The following COL6A6 variants were observed in gnomAD, a reference collection of about 807,000 sequenced individuals.
The protein encoded by COL6A6 is collagen type VI alpha 6 chain, also known as collagen alpha-6(VI) chain.
A neutral mutation model predicts 208.6 loss-of-function variants in COL6A6; 183 were observed. The observed-to-expected ratio is 0.88, with a 90% CI of 0.78 to 0.99. The LOEUF (loss-of-function observed/expected upper bound fraction) is 0.99. Ranked by LOEUF, COL6A6 falls within the 50% of genes least tolerant of loss-of-function variation. COL6A6 has a pLI of 0.00. For missense variants in COL6A6, 2,816 were observed against 2,815.2 expected, an observed-to-expected ratio of 1.00 and a Z score of -0.01; for synonymous variants, 973 against 1,011.8, an observed-to-expected ratio of 0.96 and a Z score of 0.73.
At chr3:130,524,211 A>G (rs2061907763) in intron 1 of COL6A6, among the ~76,000 whole-genome samples, 1 of 152,242 alleles carries the variant, frequency 6.6e-6, no homozygotes, top group Non-Finnish European at 1.5e-5. Flanking sequence ...AGCTTTTACT[A>G]GAGAGGTGAA....
chr3:130,637,198 TAA>T (rs147536762), intron 28 of COL6A6, among the ~76,000 whole-genome samples: 1 of 118,656 alleles, frequency 8.4e-6, no homozygotes. Flanking sequence ...CATTATGCTC[TAA>T]AAAAAAAAGA....
chr3:130,641,636 T>C lies in COL6A6; in HGVS notation c.5092-16T>C, dbSNP rs763888513. The C allele has an allele frequency of 1.3e-6, 2 of 1,483,268 alleles. No individual in the cohort carries two copies. The highest frequency in any genetic ancestry group is 1.9e-6 in the Non-Finnish European group (2 of 1,074,924). The allele number at this position is 1,483,268 out of a possible 1,614,324, so 91.9% of individuals were successfully genotyped here. A position where few individuals can be genotyped will look rare whatever the true frequency, so the allele number is the denominator to read the frequency against. Reference sequence around the variant, plus strand: ...TATATGTATAAATACAATTTTAAAATAAATTCTCCTTTGAGATATCTGCTG... The same window carrying C: ...TATATGTATAAATACAATTTTAAAACAAATTCTCCTTTGAGATATCTGCTG... On this transcript the variant is annotated splice_polypyrimidine_tract_variant and intron_variant, in intron 28 of 36. Coordinates refer to ENST00000358511, the MANE Select transcript of COL6A6 (RefSeq NM_001102608.3).
intron 1 of COL6A6, among the ~76,000 whole-genome samples, chr3:130,528,322 G>T (rs2062008582): frequency 6.6e-6 from 1 of 152,138 alleles, no homozygotes; most frequent in African/African-American, 2.4e-5. Context: ...ATCACCTGGG[G>T]ACCTTGTTAA....
intron 1 of COL6A6, 77 bp from the exon 2 acceptor site, chr3:130,560,256 AT>A: frequency 1.2e-6 from 1 of 842,952 alleles, no homozygotes; most frequent in Non-Finnish European, 1.8e-6. Context: ...TTATTATATA[AT>A]TTTGTATGCT....
At chr3:130,649,003 G>C (rs1485075025) in intron 32 of COL6A6, 66 bp from the exon 33 acceptor site, 1 of 1,287,958 alleles carries the variant, frequency 7.8e-7, no homozygotes, top group Non-Finnish European at 1.0e-6. Context: ...AAATTACTTT[G>C]CCTTCTATGT....
chr3:130,595,975 C>G (rs2063840775), intron 18 of COL6A6, among the ~76,000 whole-genome samples: 1 of 152,122 alleles, frequency 6.6e-6, no homozygotes, highest in Admixed American at 6.6e-5. Context: ...TTATAAAAAG[C>G]AATACCAAGT....
chr3:130,591,908 C>A (rs1265240813), intron 13 of COL6A6, among the ~76,000 whole-genome samples: 1 of 152,150 alleles, frequency 6.6e-6, no homozygotes, highest in African/African-American at 2.4e-5. Context: ...TTTCTACAGG[C>A]AAAGTTTGGG....
intron 28 of COL6A6, among the ~76,000 whole-genome samples, chr3:130,640,187 A>G (rs186527281): frequency 1.4e-4 from 21 of 152,280 alleles, no homozygotes; most frequent in Admixed American, 9.2e-4. Flanking sequence ...GTGCTGCCAA[A>G]TCCTCAGCCT....
At chr3:130,573,616 G>C (rs1205828920) in intron 7 of COL6A6, among the ~76,000 whole-genome samples, 4 of 145,960 alleles carry the variant, frequency 2.7e-5, no homozygotes, top group South Asian at 2.2e-4. Flanking sequence ...ACCCAGGCTG[G>C]AGTGCAGAGG....
At position 130,568,118 on chromosome 3, in the gene COL6A6, A is replaced by G. The variant is rs777891979; in HGVS notation, c.1915A>G (p.Ser639Gly). ...SSGSIGPENF[S>G]KMKTFMKNLV... is the part of the protein sequence containing the mutation. ...TGGAAGTATAGGACCTGAAAACTTC[A>G]GCAAAATGAAAACATTTATGAAAAA... The change falls in exon 6 of 37, where the codon AGC becomes GGC. Residue 639 changes from serine to glycine, a missense_variant. Coordinates refer to ENST00000358511, the MANE Select transcript of COL6A6 (RefSeq NM_001102608.3). 6.2e-7 allele frequency: 1 copy of G among 1,614,060 alleles called. No homozygotes were observed. The highest frequency in any genetic ancestry group is 1.1e-5 in the South Asian group (1 of 91,086).
At chr3:130,647,629 G>A (rs999752062) in intron 32 of COL6A6, among the ~76,000 whole-genome samples, 12 of 152,206 alleles carry the variant, frequency 7.9e-5, no homozygotes, top group East Asian at 1.9e-4. Context: ...AGTCAAGGAC[G>A]GGAGGAGGTC....
At chr3:130,620,195 G>C (rs2108264562) in intron 23 of COL6A6, among the ~76,000 whole-genome samples, 1 of 152,138 alleles carries the variant, frequency 6.6e-6, no homozygotes, top group East Asian at 1.9e-4. Context: ...TGAGTGGTTG[G>C]GACTTGAGAG....
chr3:130,525,745 C>G (rs2061948511), intron 1 of COL6A6, among the ~76,000 whole-genome samples: 1 of 152,164 alleles, frequency 6.6e-6, no homozygotes, highest in Non-Finnish European at 1.5e-5. Context: ...TCTATTTATA[C>G]TAGACTTCCT....
chr3:130,596,300 T>C (rs1321847015), intron 18 of COL6A6, among the ~76,000 whole-genome samples: 1 of 152,334 alleles, frequency 6.6e-6, no homozygotes, highest in Non-Finnish European at 1.5e-5. Context: ...CAGTTATCCA[T>C]ATATGATGAC....
chr3:130,565,659 C>A, intron 4 of COL6A6, 45 bp downstream of exon 4: 1 of 1,540,206 alleles, frequency 6.5e-7, no homozygotes, highest in Non-Finnish European at 8.7e-7. Context: ...TTCTTTTTTT[C>A]TTCTCTTTCA....
intron 1 of COL6A6, among the ~76,000 whole-genome samples, chr3:130,544,370 CTCTT>C (rs1193048659): frequency 3.3e-5 from 5 of 152,170 alleles, no homozygotes; most frequent in Non-Finnish European, 7.4e-5. Context: ...ATATTCCTCT[CTCTT>C]TCTCTCTCTC....
At chr3:130,589,565 A>G (rs2063625366) in intron 12 of COL6A6, among the ~76,000 whole-genome samples, 1 of 152,204 alleles carries the variant, frequency 6.6e-6, no homozygotes, top group Admixed American at 6.5e-5. Flanking sequence ...ATCAAAGCGA[A>G]GATACTTTGT....
chr3:130,618,237 T>C (rs1203069673), intron 23 of COL6A6, among the ~76,000 whole-genome samples: 1 of 152,202 alleles, frequency 6.6e-6, no homozygotes, highest in Admixed American at 6.5e-5. Context: ...TACAATTAGG[T>C]TCATTTCCCA....
In COL6A6 at chr3:130,621,728, G is replaced by A. The variant is rs908058096; in HGVS notation, c.4816-93G>A. 1.9e-5 allele frequency: 20 copies of A among 1,044,134 alleles called. No individual in the cohort carries two copies. The South Asian group carries it at 2.3e-4, about 12-fold the overall frequency. The allele number at this position is 1,044,134 out of a possible 1,614,324, so 64.7% of individuals were successfully genotyped here. A position where few individuals can be genotyped will look rare whatever the true frequency, so the allele number is the denominator to read the frequency against. On this transcript the variant is annotated intron_variant, in intron 23 of 36. Transcript: ENST00000358511. ...TCGATACAGCCATAACTCTTCTCTCGTCTGTGGTTCACTTTCCTCTTATAA... is the reference window on the plus strand; with the variant it reads ...TCGATACAGCCATAACTCTTCTCTCATCTGTGGTTCACTTTCCTCTTATAA...
Sources: allele counts gnomAD v4.1 joint callset (sites outside exome capture counted in the v4.1 genomes callset), GRCh38; gene constraint gnomAD v4.1.1; transcripts MANE v1.5; gene names NCBI Gene and HGNC (gene_info 2026-07-23, HGNC 2026-07-21).